Variants in TBCA observed in about 807,000 individuals in gnomAD.
The protein encoded by TBCA is tubulin folding cofactor A.
A neutral mutation model predicts 15.8 loss-of-function variants in TBCA; 6 were observed. The ratio of observed to expected loss-of-function variants is 0.38; its 90% CI spans 0.21 to 0.75. TBCA has a LOEUF of 0.75. Among genes scored for constraint, TBCA ranks in the 30% least tolerant of loss-of-function variants. TBCA has a pLI of 0.46. For missense variants in TBCA, 90 were observed against 131.2 expected (o/e 0.69, Z 1.53); for synonymous variants, 32 against 42.3 (o/e 0.76, Z 0.94).
At chr5:77,748,324 C>A (rs560497067) in intron 1 of TBCA, among the ~76,000 whole-genome samples, 117 of 151,546 alleles carry the variant, frequency 7.7e-4, no homozygotes, top group African/African-American at 2.8e-3. Flanking sequence ...CCTGAGCAAA[C>A]TAATTACCAC....
At chr5:77,752,989 G>A (rs1252206916) in intron 1 of TBCA, among the ~76,000 whole-genome samples, 1 of 151,928 alleles carries the variant, frequency 6.6e-6, no homozygotes, top group African/African-American at 2.4e-5. Context: ...CACCGCACCC[G>A]GCCTAATTTT....
At chr5:77,761,345 G>C (rs1463040099) in intron 1 of TBCA, among the ~76,000 whole-genome samples, 1 of 152,106 alleles carries the variant, frequency 6.6e-6, no homozygotes, top group Non-Finnish European at 1.5e-5. Context: ...CCCCAACCCC[G>C]TGCTCTCTGA....
intron 1 of TBCA, among the ~76,000 whole-genome samples, chr5:77,749,422 A>G (rs1003419455): frequency 2.0e-5 from 3 of 152,256 alleles, no homozygotes; most frequent in Non-Finnish European, 4.4e-5. Context: ...TTAACTTTGT[A>G]TAACAGATGT....
At chr5:77,758,606 G>A (rs1436087611) in intron 1 of TBCA, among the ~76,000 whole-genome samples, 2 of 152,162 alleles carry the variant, frequency 1.3e-5, no homozygotes, top group Non-Finnish European at 2.9e-5. Context: ...TCCACGGCTC[G>A]TCCTGCTACA....
chr5:77,704,326 C>T (rs1199092838), intron 2 of TBCA, among the ~76,000 whole-genome samples: 1 of 152,082 alleles, frequency 6.6e-6, no homozygotes, highest in Non-Finnish European at 1.5e-5. Flanking sequence ...GGGACTGTCC[C>T]CTGATTTTTG....
Position 77,691,332 on chromosome 5 carries a change from T to C in TBCA, c.*86A>G. 1 of 1,129,220 alleles carries C rather than the reference T, an allele frequency of 8.9e-7. No homozygotes were observed. The highest frequency in any genetic ancestry group is 1.3e-6 in the Non-Finnish European group (1 of 782,018). 70.0% of individuals were successfully genotyped at this position (1,129,220 alleles called of 1,614,324 possible). On this transcript the variant is annotated 3_prime_UTR_variant, in exon 4 of 4. Transcript: ENST00000380377. ...AAAAACAATCACATTCTCATACTAC[T>C]TGAACACATAGCAGTGGTCAAAAAT...
At chr5:77,730,621 T>G (rs1204336120) in intron 1 of TBCA, among the ~76,000 whole-genome samples, 1 of 107,208 alleles carries the variant, frequency 9.3e-6, no homozygotes, top group Non-Finnish European at 2.4e-5. Context: ...TCAATTCAAG[T>G]GATCTGTTGT....
At chr5:77,771,717 T>G (rs1747919644) in intron 1 of TBCA, among the ~76,000 whole-genome samples, 1 of 152,232 alleles carries the variant, frequency 6.6e-6, no homozygotes, top group African/African-American at 2.4e-5. Flanking sequence ...CCTGTTTCCA[T>G]ATTCCCCTAA....
At chr5:77,758,517 G>A (rs1179912426) in intron 1 of TBCA, among the ~76,000 whole-genome samples, 1 of 152,200 alleles carries the variant, frequency 6.6e-6, no homozygotes, top group Non-Finnish European at 1.5e-5. Context: ...GGAGAGCTCG[G>A]ATTTTAAGAC....
chr5:77,699,354 A>T (rs1745952310), intron 2 of TBCA, among the ~76,000 whole-genome samples: 1 of 152,222 alleles, frequency 6.6e-6, no homozygotes, highest in African/African-American at 2.4e-5. Flanking sequence ...CAATGTTAAG[A>T]TTTACTACAT....
chr5:77,764,213 A>T (rs908543735), intron 1 of TBCA, among the ~76,000 whole-genome samples: 1 of 152,240 alleles, frequency 6.6e-6, no homozygotes, highest in Admixed American at 6.5e-5. Context: ...GGTAATAATA[A>T]ACACAAGATT....
At chr5:77,767,798 C>T (rs543834457) in intron 1 of TBCA, among the ~76,000 whole-genome samples, 4 of 152,362 alleles carry the variant, frequency 2.6e-5, no homozygotes, top group South Asian at 4.1e-4. Flanking sequence ...AAGTCCTCAT[C>T]CACACTGTTG....
intron 2 of TBCA, among the ~76,000 whole-genome samples, chr5:77,698,882 T>C (rs1580090336): frequency 6.6e-6 from 1 of 151,780 alleles, no homozygotes; most frequent in East Asian, 1.9e-4. Context: ...AGAAAGAAAA[T>C]GAATATAATC....
chr5:77,699,050 A>AG (rs1176592891), intron 2 of TBCA, among the ~76,000 whole-genome samples: 47 of 144,534 alleles, frequency 3.3e-4, no homozygotes, highest in South Asian at 6.5e-4. Flanking sequence ...AAAAAAAAAA[A>AG]AAAAAAAAGA....
intron 2 of TBCA, among the ~76,000 whole-genome samples, chr5:77,704,703 A>G (rs189762965): frequency 1.3e-5 from 2 of 152,328 alleles, no homozygotes; most frequent in East Asian, 3.9e-4. Flanking sequence ...GCCACAATAT[A>G]GCTAAGCCAG....
chr5:77,739,091 T>C (rs370611384), intron 1 of TBCA, among the ~76,000 whole-genome samples: 153 of 152,364 alleles, frequency 1.0e-3, no homozygotes, highest in African/African-American at 3.4e-3. Flanking sequence ...TTCAGTTTTA[T>C]ATATGTATAT....
intron 1 of TBCA, among the ~76,000 whole-genome samples, chr5:77,758,013 C>A (rs1002562492): frequency 6.6e-6 from 1 of 152,038 alleles, no homozygotes; most frequent in Admixed American, 6.5e-5. Context: ...GAGAATGAGG[C>A]AAGTTTCAGA....
rs1427825770 is a variant in TBCA at position 77,749,808 on chromosome 5, T to C, written c.53+26397A>G. Among the ~76,000 whole-genome samples the C allele has an allele frequency of 3.9e-5, 6 of 152,244 alleles. No homozygotes were observed. The South Asian group carries it at 1.2e-3, about 32-fold the overall frequency. On this transcript the variant is annotated intron_variant, in intron 1 of 3. Coordinates refer to ENST00000380377, the MANE Select transcript of TBCA (RefSeq NM_004607.3). The stretch of plus-strand genomic sequence containing the variant: ...AAACAGCAAAACTTTGGAAACAATA[T>C]AAAGGTCCATCAATAGAAGACTAGT...
intron 1 of TBCA, among the ~76,000 whole-genome samples, chr5:77,736,558 A>G (rs1318502737): frequency 2.0e-5 from 3 of 152,154 alleles, no homozygotes; most frequent in African/African-American, 7.2e-5. Flanking sequence ...CACTTTCTAT[A>G]TTCCTGTCAC....
Sources: allele counts gnomAD v4.1 joint callset (sites outside exome capture counted in the v4.1 genomes callset), GRCh38; gene constraint gnomAD v4.1.1; transcripts MANE v1.5; gene names NCBI Gene and HGNC (gene_info 2026-07-23, HGNC 2026-07-21).